Variants in MST1 observed in about 807,000 individuals in gnomAD.
MST1 encodes the protein macrophage stimulating 1, also known as hepatocyte growth factor-like protein.
Under a neutral mutation model 100.1 loss-of-function variants are expected in MST1, and 76 were observed. The observed-to-expected ratio is 0.76, with a 90% CI of 0.63 to 0.92. The LOEUF (loss-of-function observed/expected upper bound fraction) is 0.92, where lower values mean the gene tolerates loss of function less well. MST1 is among the 40% of genes least tolerant of loss of function. MST1 has a pLI of 0.00. For synonymous variants in MST1, 352 were observed against 385.4 expected (o/e 0.91, Z 1.01); for missense variants, 850 against 990.0 (o/e 0.86, Z 1.90).
intron 12 of MST1, 32 bp downstream of exon 12, chr3:49,685,439 G>A (rs752026154): frequency 1.4e-5 from 23 of 1,613,492 alleles, no homozygotes; most frequent in Non-Finnish European, 1.9e-5. Flanking sequence ...GTGGGCTAAA[G>A]GGCCTGACCC....
chr3:49,687,951 G>A, intron 1 of MST1, 54 bp from the exon 2 acceptor site: 2 of 1,563,778 alleles, frequency 1.3e-6, no homozygotes, highest in Admixed American at 1.8e-5. Context: ...TGTCAGTAAT[G>A]TGTATTGGCA....
At position 49,689,123 on chromosome 3, in the gene MST1, C is replaced by A; in HGVS notation, c.-432G>T. ...CCAGCTGTAGGCAGGTCAGCCCACA[C>A]CCGGCGGCAGAGCCCAGAGAGGCTC... On this transcript the variant is annotated 5_prime_UTR_variant, in exon 1 of 18. Coordinates refer to ENST00000449682, the MANE Select transcript of MST1 (RefSeq NM_020998.4). The A allele has an allele frequency of 6.5e-6, 1 of 154,706 alleles. No individual in the cohort carries two copies. The highest frequency in any genetic ancestry group is 1.9e-4 in the South Asian group (1 of 5,338). The allele number at this position is 154,706 out of a possible 1,614,324, so 9.6% of individuals were successfully genotyped here. A position where few individuals can be genotyped will look rare whatever the true frequency, so the allele number is the denominator to read the frequency against.
Position 49,684,314 on chromosome 3 carries a change from C to G in MST1, c.2016G>C (p.Glu672Asp). The stretch of plus-strand genomic sequence containing the variant: ...GCTGGCCCAGGGCCCTGCCACCAAC[C>G]TCACAGGCCCCCACAGGGGCCAACA... ...EGLLAPVGAC[E>D]GDYGGPLACF... is the part of the protein sequence containing the mutation. The change falls in exon 17 of 18, where the codon GAG becomes GAC. Residue 672 changes from glutamate (E) to aspartate (D), a missense_variant and splice_region_variant. Physicochemically the swap from Glu to Asp is conservative, Grantham distance 45. Transcript: ENST00000449682. The G allele has an allele frequency of 6.2e-7, 1 of 1,613,016 alleles. No individual in the cohort carries two copies. The highest frequency in any genetic ancestry group is 8.5e-7 in the Non-Finnish European group (1 of 1,179,840).
At chr3:49,684,683 G>T in intron 15 of MST1, 27 bp from the exon 16 acceptor site, 2 of 1,613,322 alleles carry the variant, frequency 1.2e-6, no homozygotes, top group Non-Finnish European at 1.7e-6. Context: ...GGCACTCAGG[G>T]TCTGAGGCCA....
rs369613782 is a variant in MST1, at chr3:49,687,303, C to T, written c.471-18G>A. On this transcript the variant is annotated intron_variant, in intron 4 of 17. Transcript: ENST00000449682. ...GCGTGTACCTGAGGGCCCAGAGCAT[C>T]ACTATAGTGTGTGCTGGGGGAAGGC... is the stretch of plus-strand genomic sequence containing the variant. The T allele has an allele frequency of 2.2e-4, 351 of 1,613,454 alleles. 1 individual carries two copies. The African/African-American group carries it at 4.4e-3, about 20-fold the overall frequency.
Position 49,688,941 on chromosome 3 carries a change from A to G in MST1, c.-250T>C, listed in dbSNP as rs1331955171. ...TCTGCAGCCTAGTCAGCCCAAGGGC[A>G]TTGTGAAAGTGAGAGCTGCCAGAGG... On this transcript the variant is annotated 5_prime_UTR_variant, in exon 1 of 18. The change abolishes an upstream ATG in the 5' untranslated region. Transcript: ENST00000449682. The G allele has an allele frequency of 2.7e-6, 1 of 375,060 alleles. No individual in the cohort carries two copies. Among genetic ancestry groups the G allele is most frequent in the Non-Finnish European group, 4.9e-6 (1 of 202,376 alleles). 23.2% of individuals were successfully genotyped at this position (375,060 alleles called of 1,614,324 possible).
chr3:49,684,818 C>A lies in MST1; in HGVS notation c.1689G>T (p.Glu563Asp). 1.2e-6 allele frequency: 2 copies of A among 1,613,502 alleles called. No individual in the cohort carries two copies. The highest frequency in any genetic ancestry group is 1.7e-6 in the Non-Finnish European group (2 of 1,179,876). Reference sequence around the variant, plus strand: ...CTACTGGGACCCGCTGTAGGCTTGGCTCTCCATGCTGTGGGTTCTGGAACA... The same window carrying A: ...CTACTGGGACCCGCTGTAGGCTTGGATCTCCATGCTGTGGGTTCTGGAACA... ...GTLFQNPQHGEPSLQRVPVAK... is the reference protein window; with the variant it reads ...GTLFQNPQHGDPSLQRVPVAK... The change falls in exon 15 of 18, where the codon GAG becomes GAT. Residue 563 changes from glutamate to aspartate, a missense_variant. Physicochemically the swap from Glu to Asp is conservative, Grantham distance 45 (BLOSUM62 2). Coordinates refer to ENST00000449682, the MANE Select transcript of MST1 (RefSeq NM_020998.4).
intron 6 of MST1, 33 bp from the exon 7 acceptor site, chr3:49,686,835 T>C (rs768743498): frequency 6.2e-7 from 1 of 1,612,526 alleles, no homozygotes; most frequent in Non-Finnish European, 8.5e-7. Context: ...AACAAGACCC[T>C]GGGACTCTGG....
rs2053577117 is a variant in MST1 at position 49,684,954 on chromosome 3, G to A, written c.1622+58C>T. The A allele has an allele frequency of 1.4e-5, 22 of 1,613,318 alleles. No individual in the cohort carries two copies. In the South Asian group the frequency reaches 2.3e-4, roughly 17 times the overall value. ...TGCCCCAAGGCTCACTTGTTAGCTT[G>A]CCTGGGGAAGGGGGAAGGTGGGATG... is the stretch of plus-strand genomic sequence containing the variant. On this transcript the variant is annotated intron_variant, in intron 14 of 17. Coordinates refer to ENST00000449682, the MANE Select transcript of MST1 (RefSeq NM_020998.4).
chr3:49,685,177 G>A (rs1313510539), intron 13 of MST1, 85 bp downstream of exon 13: 1 of 1,599,448 alleles, frequency 6.3e-7, no homozygotes, highest in East Asian at 2.3e-5. Flanking sequence ...CTGGGGGCAG[G>A]GATAGATTCC....
intron 3 of MST1, 38 bp downstream of exon 3, chr3:49,687,518 C>T: frequency 6.2e-7 from 1 of 1,613,412 alleles, no homozygotes; most frequent in Non-Finnish European, 8.5e-7. Context: ...GGCTGAGGTC[C>T]CCTGTCTCCC....
At position 49,685,744 on chromosome 3, in the gene MST1, C is replaced by T; in HGVS notation, c.1251-12G>A. 6.2e-7 allele frequency: 1 copy of T among 1,613,186 alleles called. No individual in the cohort carries two copies. The highest frequency in any genetic ancestry group is 2.2e-5 in the East Asian group (1 of 44,874). ...AGGTAAACGTGAACCTAGGCGGAAG[C>T]GGGAGCAAAATCGTGGCAGGGTAGT... On this transcript the variant is annotated splice_polypyrimidine_tract_variant and intron_variant, in intron 10 of 17. Coordinates refer to ENST00000449682, the MANE Select transcript of MST1 (RefSeq NM_020998.4).
In MST1 at chr3:49,685,352, C is replaced by T. The variant is rs1279215674; in HGVS notation, c.1454G>A (p.Arg485Lys). The T allele has an allele frequency of 3.1e-6, 5 of 1,613,576 alleles. No homozygotes were observed. The highest frequency in any genetic ancestry group is 4.2e-6 in the Non-Finnish European group (5 of 1,179,882). The change falls in exon 13 of 18, where the codon AGG becomes AAG. Residue 485 changes from arginine (R) to lysine (K), a missense_variant. By Grantham distance (26) the Arg-to-Lys change is conservative (BLOSUM62 2). Around this residue, in one of 2 missense-constraint regions of MST1, gnomAD observed 816 missense variants for 924.6 expected, o/e 0.88. Transcript: ENST00000449682. ...ACGCCGCTGATCCAGCCGATCCACC[C>T]TCTTGCCACACTTCTCAAACTGCAC... ...DQVQFEKCGK[R>K]VDRLDQRRSK...
Position 49,684,796 on chromosome 3 carries a change from C to T in MST1, c.1711G>A (p.Val571Ile). Residue 571 changes from valine to isoleucine, a missense_variant, in exon 15 of 18, where the codon GTA becomes ATA. Coordinates refer to ENST00000449682, the MANE Select transcript of MST1 (RefSeq NM_020998.4). Reference sequence around the variant, plus strand: ...GAGGGCCCACACACCATCTTGGCTACTGGGACCCGCTGTAGGCTTGGCTCT... The same window carrying T: ...GAGGGCCCACACACCATCTTGGCTATTGGGACCCGCTGTAGGCTTGGCTCT... ...HGEPSLQRVP[V>I]AKMVCGPSGS... is the part of the protein sequence containing the mutation. 1 of 1,613,526 alleles carries T rather than the reference C, an allele frequency of 6.2e-7. No individual in the cohort carries two copies. Among genetic ancestry groups the T allele is most frequent in the Non-Finnish European group, 8.5e-7 (1 of 1,179,868 alleles).
In MST1 at chr3:49,687,354, T is replaced by C; in HGVS notation, c.470+10A>G. The C allele has an allele frequency of 1.2e-6, 2 of 1,613,434 alleles. No individual in the cohort carries two copies. The highest frequency in any genetic ancestry group is 2.2e-5 in the South Asian group (2 of 91,066). On this transcript the variant is annotated intron_variant, in intron 4 of 17. Transcript: ENST00000449682. The stretch of plus-strand genomic sequence containing the variant: ...CCCAGGCCGGGACGGAGGGAAGGTG[T>C]TTGTCTCACTTGTGATCATTTGGGA...
chr3:49,686,873 C>T (rs1170757110), intron 6 of MST1, 71 bp from the exon 7 acceptor site: 1 of 1,611,942 alleles, frequency 6.2e-7, no homozygotes, highest in Non-Finnish European at 8.5e-7. Context: ...AATTGCCCTA[C>T]ACGGAGCCCT....
chr3:49,684,425 C>T lies in MST1; in HGVS notation c.1905G>A (p.Val635=), dbSNP rs1413469038. 1 of 1,613,320 alleles carries T rather than the reference C, an allele frequency of 6.2e-7. No homozygotes were observed. The highest frequency in any genetic ancestry group is 8.5e-7 in the Non-Finnish European group (1 of 1,179,860). Residue 635 remains valine (V), a synonymous_variant, in exon 17 of 18, where the codon GTG becomes GTA. Coordinates refer to ENST00000449682, the MANE Select transcript of MST1 (RefSeq NM_020998.4). ...KGTGNDTVLN[V]ALLNVISNQE... Reference sequence around the variant, plus strand: ...GGTTGGAGATGACATTCAGCAAGGCCACATTTAGGACTGTGTCATTACCCG... The same window carrying T: ...GGTTGGAGATGACATTCAGCAAGGCTACATTTAGGACTGTGTCATTACCCG...
At chr3:49,684,499 T>C (rs940546373) in intron 16 of MST1, 46 bp from the exon 17 acceptor site, 2 of 1,613,418 alleles carry the variant, frequency 1.2e-6, no homozygotes, top group Non-Finnish European at 1.7e-6. Flanking sequence ...TGCAGGAAGA[T>C]CCAGGGCTGG....
At position 49,684,326 on chromosome 3, in the gene MST1, C is replaced by G. The variant is rs774193294; in HGVS notation, c.2004G>C (p.Val668=). ...CCCTGCCACCAACCTCACAGGCCCC[C>G]ACAGGGGCCAACAGTCCCTCAGTGC... ...EMCTEGLLAP[V]GACEGDYGGP... Residue 668 remains valine, a synonymous_variant, in exon 17 of 18, where the codon GTG becomes GTC. Coordinates refer to ENST00000449682, the MANE Select transcript of MST1 (RefSeq NM_020998.4). 6.8e-6 allele frequency: 11 copies of G among 1,613,098 alleles called. No homozygotes were observed. Among genetic ancestry groups the G allele is most frequent in the Middle Eastern group, 1.7e-4 (1 of 6,054 alleles).
Sources: gnomAD v4.1 joint callset for allele counts on GRCh38, gnomAD v4.1.1 for gene constraint, gnomAD v4.1.1 regional missense constraint, MANE v1.5 for transcripts, NCBI Gene and HGNC (gene_info 2026-07-23, HGNC 2026-07-21) for gene names.